The following RANBP17 variants were observed in gnomAD, a reference collection of about 807,000 sequenced individuals.
The protein encoded by RANBP17 is ran-binding protein 17.
Under a neutral mutation model 141.2 loss-of-function variants are expected in RANBP17, and 158 were observed. That is an observed-to-expected ratio of 1.12 (90% CI 0.98 to 1.28). The LOEUF is 1.28. RANBP17 is among the 50% of genes most tolerant of loss of function. The pLI, the probability that RANBP17 is intolerant of heterozygous loss-of-function variation, is 0.00. For missense variants in RANBP17, 1,438 were observed against 1,290.7 expected, an observed-to-expected ratio of 1.11 and a Z score of -1.75; for synonymous variants, 430 against 450.0, an observed-to-expected ratio of 0.96 and a Z score of 0.56.
rs564233330 is a variant in RANBP17, at chr5:170,918,636, A to G, written c.955-77A>G. On this transcript the variant is annotated intron_variant, in intron 9 of 27. Coordinates refer to ENST00000523189, the MANE Select transcript of RANBP17 (RefSeq NM_022897.5). ...ACTCATGAAAATTGGGAGACTTAAG[A>G]TGCTTTGGGGTTTTACTGATTTTAT... 34 of 1,213,772 alleles carry G rather than the reference A, an allele frequency of 2.8e-5. No homozygotes were observed. In the East Asian group the frequency reaches 7.8e-4, roughly 28 times the overall value. 75.2% of individuals were successfully genotyped at this position (1,213,772 alleles called of 1,614,324 possible). A position where few individuals can be genotyped will look rare whatever the true frequency, so the allele number is the denominator to read the frequency against.
intron 14 of RANBP17, among the ~76,000 whole-genome samples, chr5:171,080,711 C>A (rs143848778): frequency 6.6e-6 from 1 of 152,130 alleles, no homozygotes; most frequent in South Asian, 2.1e-4. Context: ...CAACCTTTTA[C>A]GGGAAAATAT....
intron 1 of RANBP17, among the ~76,000 whole-genome samples, chr5:170,866,630 G>A (rs1044568254): frequency 1.3e-5 from 2 of 150,904 alleles, no homozygotes; most frequent in African/African-American, 4.9e-5. Flanking sequence ...AGCCGAGATC[G>A]CACCACTGCA....
At chr5:171,041,357 CAAAG>C (rs953399408) in intron 14 of RANBP17, among the ~76,000 whole-genome samples, 3 of 151,996 alleles carry the variant, frequency 2.0e-5, no homozygotes, top group African/African-American at 7.2e-5. Context: ...TCTCCCAAAA[CAAAG>C]AAACCAAGCT....
intron 11 of RANBP17, 74 bp from the exon 12 acceptor site, chr5:170,924,283 C>A: frequency 2.1e-6 from 2 of 956,122 alleles, no homozygotes; most frequent in Non-Finnish European, 3.0e-6. Flanking sequence ...TTTTATTTAA[C>A]ATGAAGTTTA....
At chr5:171,242,536 C>A in intron 23 of RANBP17, 146 bp from the exon 24 acceptor site, 1 of 772,342 alleles carries the variant, frequency 1.3e-6, no homozygotes, top group Non-Finnish European at 2.1e-6. Context: ...GATTGGGACT[C>A]ATTATGTCAT....
rs1328659820 is a variant in RANBP17 at position 171,280,469 on chromosome 5, G to A, written c.2944-13414G>A. ...ATTTTTTTGTATTTTTGGTGGAGAC[G>A]GGGTTTCACCATAGTGCCCAGGCTG... On this transcript the variant is annotated intron_variant, in intron 25 of 27. Transcript: ENST00000523189. Among the ~76,000 whole-genome samples, 3 of 151,930 alleles carry A rather than the reference G, an allele frequency of 2.0e-5. No homozygotes were observed. The East Asian group carries it at 5.8e-4, about 29-fold the overall frequency.
At chr5:171,275,266 C>A (rs1401225078) in intron 25 of RANBP17, among the ~76,000 whole-genome samples, 1 of 152,130 alleles carries the variant, frequency 6.6e-6, no homozygotes, top group Non-Finnish European at 1.5e-5. Context: ...GAAGGAAAAC[C>A]ATTTAAATAT....
At position 171,205,610 on chromosome 5, in the gene RANBP17, G is replaced by A; in HGVS notation, c.2229G>A (p.Trp743Ter). 1 of 1,612,082 alleles carries A rather than the reference G, an allele frequency of 6.2e-7. No homozygotes were observed. Among genetic ancestry groups the A allele is most frequent in the Non-Finnish European group, 8.5e-7 (1 of 1,178,222 alleles). The change falls in exon 20 of 28, where the codon TGG becomes TGA. Residue 743 changes from tryptophan (W) to a stop codon, truncating the protein, a stop_gained and splice_region_variant. Transcript: ENST00000523189. LOFTEE classifies it high-confidence loss of function. ...TKTSYTMLFD[W>*]MYPTYLPLLQ... is the part of the protein sequence containing the mutation. ...CCAGCTACACCATGCTGTTTGACTG[G>A]ATGTATCCTTATTACACTGTGACAA...
At chr5:170,951,024 A>G (rs972597754) in intron 12 of RANBP17, among the ~76,000 whole-genome samples, 17 of 152,090 alleles carry the variant, frequency 1.1e-4, no homozygotes, top group African/African-American at 3.4e-4. Flanking sequence ...AATTCATTTC[A>G]TTGAGGTAAA....
intron 22 of RANBP17, among the ~76,000 whole-genome samples, chr5:171,229,601 G>A (rs1181587970): frequency 6.6e-6 from 1 of 151,014 alleles, no homozygotes; most frequent in Non-Finnish European, 1.5e-5. Flanking sequence ...CACCATGTTG[G>A]CCAGGCTGGT....
At chr5:171,145,322 T>G (rs1757964112) in intron 14 of RANBP17, among the ~76,000 whole-genome samples, 1 of 152,194 alleles carries the variant, frequency 6.6e-6, no homozygotes, top group Non-Finnish European at 1.5e-5. Context: ...CTTAGCATTC[T>G]CTGTCTCCAA....
chr5:171,071,652 G>GGA (rs1581560423), intron 14 of RANBP17, among the ~76,000 whole-genome samples: 1 of 7,930 alleles, frequency 1.3e-4, no homozygotes, highest in African/African-American at 3.7e-4. Context: ...ACAGCTTTAT[G>GGA]CAAAAAAAAA....
chr5:171,220,362 G>A (rs150338267), intron 21 of RANBP17, among the ~76,000 whole-genome samples: 104 of 149,832 alleles, frequency 6.9e-4, no homozygotes, highest in African/African-American at 1.8e-3. Flanking sequence ...AGACCCACCC[G>A]CCTTCTGCAT....
intron 22 of RANBP17, among the ~76,000 whole-genome samples, chr5:171,237,316 A>G (rs2127993515): frequency 6.6e-6 from 1 of 152,356 alleles, no homozygotes; most frequent in South Asian, 2.1e-4. Flanking sequence ...CAAATTATGT[A>G]GATCAGGAAT....
At chr5:171,087,131 T>G (rs1235113712) in intron 14 of RANBP17, among the ~76,000 whole-genome samples, 1 of 145,632 alleles carries the variant, frequency 6.9e-6, no homozygotes, top group Non-Finnish European at 1.5e-5. Context: ...ACACACTGCT[T>G]TGAATGCGTC....
intron 14 of RANBP17, among the ~76,000 whole-genome samples, chr5:170,972,682 C>T (rs1777080636): frequency 6.6e-6 from 1 of 151,960 alleles, no homozygotes. Flanking sequence ...TGTCTGCATC[C>T]TCATGCATAT....
chr5:171,013,409 T>C (rs904176831), intron 14 of RANBP17, among the ~76,000 whole-genome samples: 1 of 151,844 alleles, frequency 6.6e-6, no homozygotes. Flanking sequence ...CTTAGAAATG[T>C]TGTCTGTACC....
chr5:171,108,692 A>G (rs1581654907), intron 14 of RANBP17, among the ~76,000 whole-genome samples: 1 of 152,300 alleles, frequency 6.6e-6, no homozygotes, highest in East Asian at 1.9e-4. Context: ...AATTACATGC[A>G]TGAGCCACCA....
At chr5:170,873,111 A>G (rs571134616) in intron 1 of RANBP17, among the ~76,000 whole-genome samples, 1 of 152,264 alleles carries the variant, frequency 6.6e-6, no homozygotes, top group Non-Finnish European at 1.5e-5. Flanking sequence ...GGGTTTTGCC[A>G]CGTTGGCCAG....
Sources: gnomAD v4.1 joint callset for allele counts (sites outside exome capture counted in the v4.1 genomes callset) on GRCh38, gnomAD v4.1.1 for gene constraint, MANE v1.5 for transcripts, NCBI Gene and HGNC (gene_info 2026-07-23, HGNC 2026-07-21) for gene names.